Variants in KANSL2 observed in about 807,000 individuals in gnomAD.
KANSL2 encodes the protein NSL complex protein NSL2.
Under a neutral mutation model 55.6 loss-of-function variants are expected in KANSL2, and 34 were observed. That is an observed-to-expected ratio of 0.61 (90% CI 0.46 to 0.81). The LOEUF is 0.81. Ranked by LOEUF, KANSL2 falls within the 40% of genes least tolerant of loss-of-function variation. KANSL2 has a pLI of 0.00. For synonymous variants in KANSL2, 209 were observed against 214.3 expected (o/e 0.98, Z 0.22); for missense variants, 502 against 609.9 (o/e 0.82, Z 1.86).
chr12:48,671,641 G>C (rs1230183193), intron 5 of KANSL2, among the ~76,000 whole-genome samples, 158 bp downstream of exon 5: 1 of 152,112 alleles, frequency 6.6e-6, no homozygotes, highest in Admixed American at 6.5e-5. Context: ...TATGTTGCAG[G>C]CTATACCACC....
intron 6 of KANSL2, among the ~76,000 whole-genome samples, chr12:48,668,800 G>A (rs1213511658): frequency 6.6e-6 from 1 of 152,162 alleles, no homozygotes; most frequent in African/African-American, 2.4e-5. Flanking sequence ...CCAACACTTT[G>A]GGAGGCCGAG....
intron 6 of KANSL2, 75 bp from the exon 7 acceptor site, chr12:48,667,864 AG>A: frequency 9.5e-7 from 1 of 1,049,884 alleles, no homozygotes; most frequent in Non-Finnish European, 1.5e-6. Context: ...TAGTTATATA[AG>A]AAAAGCACAT....
At chr12:48,681,780 C>T in intron 1 of KANSL2, 139 bp from the exon 2 acceptor site, 1 of 1,050,076 alleles carries the variant, frequency 9.5e-7, no homozygotes, top group Non-Finnish European at 1.4e-6. Context: ...CGCCGCCCTC[C>T]CCAAGTCTCC....
At chr12:48,671,654 C>A (rs904781949) in intron 5 of KANSL2, 145 bp downstream of exon 5, 12 of 797,118 alleles carry the variant, frequency 1.5e-5, no homozygotes, top group Non-Finnish European at 2.2e-5. Flanking sequence ...ATACCACCTA[C>A]GTTAGCGTGA....
intron 7 of KANSL2, among the ~76,000 whole-genome samples, chr12:48,666,828 C>T (rs1047912614): frequency 6.6e-6 from 1 of 151,874 alleles, no homozygotes; most frequent in Non-Finnish European, 1.5e-5. Flanking sequence ...TGAGCTATGA[C>T]TGAGCCACTG....
At chr12:48,680,551 T>C (rs947146928) in intron 2 of KANSL2, among the ~76,000 whole-genome samples, 6 of 152,202 alleles carry the variant, frequency 3.9e-5, no homozygotes, top group African/African-American at 1.2e-4. Context: ...GTTATGTTTT[T>C]GCATGGATAC....
intron 8 of KANSL2, among the ~76,000 whole-genome samples, chr12:48,659,712 T>C (rs1939454123): frequency 6.6e-6 from 1 of 152,118 alleles, no homozygotes. Context: ...TTCTTAACAG[T>C]ATATTCCTTA....
Position 48,656,972 on chromosome 12 carries a change from G to A in KANSL2, c.1228-1912C>T, listed in dbSNP as rs367767735. Among the ~76,000 whole-genome samples, 47 of 152,236 alleles carry A rather than the reference G, an allele frequency of 3.1e-4. No individual in the cohort carries two copies. The South Asian group carries it at 9.1e-3, about 30-fold the overall frequency. On this transcript the variant is annotated intron_variant, in intron 8 of 9. Transcript: ENST00000420613. Reference sequence around the variant, plus strand: ...AGCTTCACGAGAAGCTTAGTTCTACGCTTTTAAATAAATCTAAGAATTTGC... The same window carrying A: ...AGCTTCACGAGAAGCTTAGTTCTACACTTTTAAATAAATCTAAGAATTTGC...
At chr12:48,674,584 G>A (rs1346962917) in intron 4 of KANSL2, among the ~76,000 whole-genome samples, 1 of 152,188 alleles carries the variant, frequency 6.6e-6, no homozygotes, top group Non-Finnish European at 1.5e-5. Context: ...TATTACCTGT[G>A]TATAAGAGGT....
At chr12:48,661,359 A>G (rs774126364) in intron 7 of KANSL2, 12 of 200,790 alleles carry the variant, frequency 6.0e-5, no homozygotes, top group South Asian at 3.5e-4. Flanking sequence ...GAAAAGGGCT[A>G]TATTTCCAAG....
In KANSL2 at chr12:48,682,125, C is replaced by T. The variant is rs1156515301; in HGVS notation, c.-10+62G>A. 1.1e-5 allele frequency: 8 copies of T among 702,488 alleles called. No homozygotes were observed. The African/African-American group carries it at 1.2e-4, about 11-fold the overall frequency. The allele number at this position is 702,488 out of a possible 1,614,324, so 43.5% of individuals were successfully genotyped here. A position where few individuals can be genotyped will look rare whatever the true frequency, so the allele number is the denominator to read the frequency against. On this transcript the variant is annotated intron_variant, in intron 1 of 9. Transcript: ENST00000420613. ...AGGCGGAGTAGCAGCTCTGAGCTGA[C>T]AAAAAGAGCGAAATAGCAGCCCAAC...
intron 4 of KANSL2, among the ~76,000 whole-genome samples, chr12:48,677,093 T>G (rs1016372263): frequency 3.3e-5 from 5 of 152,286 alleles, no homozygotes; most frequent in African/African-American, 1.2e-4. Context: ...ATGCATAAAT[T>G]TAGTGGGTCT....
chr12:48,664,139 C>T (rs903539076), intron 7 of KANSL2, among the ~76,000 whole-genome samples: 30 of 151,358 alleles, frequency 2.0e-4, no homozygotes, highest in Non-Finnish European at 3.8e-4. Context: ...GGTCTCGAAC[C>T]CCTGACCTCA....
At chr12:48,656,422 T>C (rs148490053) in intron 8 of KANSL2, among the ~76,000 whole-genome samples, 2,012 of 151,804 alleles carry the variant, frequency 0.013, 43 homozygotes, top group African/African-American at 0.046. Context: ...TATGGGCGTG[T>C]GCCACCACGC....
At chr12:48,675,689 G>C (rs547913705) in intron 4 of KANSL2, among the ~76,000 whole-genome samples, 2 of 152,296 alleles carry the variant, frequency 1.3e-5, no homozygotes, top group South Asian at 4.1e-4. Flanking sequence ...GAAATCATTT[G>C]GTGGGGGCAG....
rs1253891592 is a variant in KANSL2, at chr12:48,667,734, C to G, written c.932G>C (p.Cys311Ser). ...RCLAFVDDVRCSNQSLPMTRH... is the reference protein window; with the variant it reads ...RCLAFVDDVRSSNQSLPMTRH... The stretch of plus-strand genomic sequence containing the variant: ...GGTCATTGGAAGAGACTGATTGGAA[C>G]AACGAACATCATCCACAAAGGCCAA... Residue 311 changes from cysteine (C) to serine (S), a missense_variant, in exon 7 of 10, where the codon TGT (cysteine) becomes TCT (serine). Cys to Ser is a moderately radical substitution (Grantham distance 112). Coordinates refer to ENST00000420613, the MANE Select transcript of KANSL2 (RefSeq NM_017822.4). 2 of 1,613,898 alleles carry G rather than the reference C, an allele frequency of 1.2e-6. No homozygotes were observed. Among genetic ancestry groups the G allele is most frequent in the Non-Finnish European group, 1.7e-6 (2 of 1,179,828 alleles).
chr12:48,665,365 C>T (rs1219170934), intron 7 of KANSL2, among the ~76,000 whole-genome samples: 2 of 151,988 alleles, frequency 1.3e-5, no homozygotes, highest in African/African-American at 4.8e-5. Context: ...GAGATCGAGA[C>T]CATCCTGGCT....
chr12:48,664,817 C>T (rs1283752598), intron 7 of KANSL2, among the ~76,000 whole-genome samples: 3 of 149,992 alleles, frequency 2.0e-5, no homozygotes, highest in Non-Finnish European at 4.4e-5. Context: ...CTCCTGACCT[C>T]GTGATCCACC....
chr12:48,658,951 T>A lies in KANSL2; in HGVS notation c.1227+1415A>T, dbSNP rs895626762. Among the ~76,000 whole-genome samples, 76 of 152,156 alleles carry A rather than the reference T, an allele frequency of 5.0e-4. 1 individual carries two copies. Among genetic ancestry groups the A allele is most frequent in the Non-Finnish European group, 1.0e-3 (71 of 68,026 alleles). ...TGAACGGCTGTGTTTTTACTCATATTAATATCTGATGCCTAGTCTTCCCGC... is the reference window on the plus strand; with the variant it reads ...TGAACGGCTGTGTTTTTACTCATATAAATATCTGATGCCTAGTCTTCCCGC... On this transcript the variant is annotated intron_variant, in intron 8 of 9. Coordinates refer to ENST00000420613, the MANE Select transcript of KANSL2 (RefSeq NM_017822.4).
Sources: allele counts gnomAD v4.1 joint callset (sites outside exome capture counted in the v4.1 genomes callset), GRCh38; gene constraint gnomAD v4.1.1; transcripts MANE v1.5; gene names NCBI Gene and HGNC (gene_info 2026-07-23, HGNC 2026-07-21).